NHS: variants seen among roughly 807,000 people sequenced by gnomAD.
The protein encoded by NHS is actin remodeling regulator NHS.
A neutral mutation model predicts 72.5 loss-of-function variants in NHS; 5 were observed. The observed-to-expected ratio is 0.07, with a 90% CI of 0.04 to 0.14. The LOEUF (loss-of-function observed/expected upper bound fraction) is 0.14. Among genes scored for constraint, NHS ranks in the 10% least tolerant of loss-of-function variants. The pLI is 1.00. For missense variants in NHS, 1,072 were observed against 1,355.7 expected (o/e 0.79, Z 3.29); for synonymous variants, 464 against 547.7 (o/e 0.85, Z 2.13).
intron 1 of NHS, among the ~76,000 whole-genome samples, chrX:17,433,646 C>G (rs181134635): frequency 2.5e-4 from 28 of 111,455 alleles, no homozygotes; most frequent in Middle Eastern, 4.7e-3. Flanking sequence ...GATCCCTGCA[C>G]TTGGTTTAGG....
chrX:17,570,411 A>G (rs751253525), intron 1 of NHS, among the ~76,000 whole-genome samples: 2 of 111,350 alleles, frequency 1.8e-5, no homozygotes, highest in East Asian at 5.6e-4. Flanking sequence ...ATTCCTAGGT[A>G]TTTTATTCTC....
intron 1 of NHS, among the ~76,000 whole-genome samples, chrX:17,607,473 T>G (rs1156284398): frequency 9.0e-6 from 1 of 111,208 alleles, no homozygotes; most frequent in East Asian, 2.8e-4. Context: ...AATAGGAAAA[T>G]AAGTACAAAA....
chrX:17,456,147 C>T (rs1314154380), intron 1 of NHS, among the ~76,000 whole-genome samples: 2 of 111,510 alleles, frequency 1.8e-5, no homozygotes, highest in Non-Finnish European at 3.8e-5. Flanking sequence ...TGTTTTTTTG[C>T]CCATGAAGAA....
chrX:17,408,341 T>C (rs192087175), intron 1 of NHS, among the ~76,000 whole-genome samples: 52 of 111,953 alleles, frequency 4.6e-4, no homozygotes, highest in African/African-American at 1.7e-3. Context: ...AATGATCAGA[T>C]GATCAATATT....
In NHS at chrX:17,597,430, CT is replaced by C. The variant is rs536355888; in HGVS notation, c.566-90296del. ...GTGAGCCACCGCGCCTGGCTATTCT[CT>C]TTTTTTTTTTTTTTTAAGAAAAAAC... On this transcript the variant is annotated intron_variant, in intron 1 of 8. Coordinates refer to ENST00000676302, the MANE Select transcript of NHS (RefSeq NM_001291867.2). 4.8e-3 allele frequency among the ~76,000 whole-genome samples: 452 copies of C among 94,568 alleles called. 1 individual carries two copies. Among genetic ancestry groups the C allele is most frequent in the African/African-American group, 8.3e-3 (216 of 26,076 alleles). 82.1% of individuals were successfully genotyped at this position (94,568 alleles called of 115,157 possible). A position where few individuals can be genotyped will look rare whatever the true frequency, so the allele number is the denominator to read the frequency against.
chrX:17,684,471 G>A (rs988712018), intron 1 of NHS, among the ~76,000 whole-genome samples: 2 of 110,473 alleles, frequency 1.8e-5, no homozygotes, highest in Admixed American at 9.6e-5. Context: ...TAGGCCCAGA[G>A]TTCTCTTTCA....
intron 1 of NHS, among the ~76,000 whole-genome samples, chrX:17,418,477 G>A (rs1018076952): frequency 2.7e-5 from 3 of 111,671 alleles, no homozygotes; most frequent in African/African-American, 9.8e-5. Flanking sequence ...GTCCCCAGCG[G>A]TCCCAAATCT....
At chrX:17,450,454 G>C (rs2064800620) in intron 1 of NHS, among the ~76,000 whole-genome samples, 1 of 112,003 alleles carries the variant, frequency 8.9e-6, no homozygotes, top group South Asian at 3.7e-4. Context: ...GCTCAATATA[G>C]ATGAAGAAAT....
At chrX:17,475,350 C>G in intron 1 of NHS, among the ~76,000 whole-genome samples, 1 of 112,326 alleles carries the variant, frequency 8.9e-6, no homozygotes, top group Non-Finnish European at 1.9e-5. Context: ...GAATGTCGCT[C>G]AGATAATAAG....
At chrX:17,719,515 G>C in intron 4 of NHS, 109 bp downstream of exon 4, 1 of 593,570 alleles carries the variant, frequency 1.7e-6, no homozygotes, top group Admixed American at 4.1e-5. Flanking sequence ...TCTAACTAAC[G>C]GTTTTTCTTT....
At chrX:17,686,404 G>A (rs2066162864) in intron 1 of NHS, among the ~76,000 whole-genome samples, 1 of 111,854 alleles carries the variant, frequency 8.9e-6, no homozygotes, top group South Asian at 3.8e-4. Context: ...GAGGGAATGA[G>A]GGACTAGAAG....
chrX:17,728,610 G>A, intron 7 of NHS, 39 bp from the exon 8 acceptor site: 1 of 1,205,716 alleles, frequency 8.3e-7, no homozygotes, highest in Non-Finnish European at 1.1e-6. Context: ...AGCGTGCTGG[G>A]TAACTTCCTC....
chrX:17,383,581 G>A (rs1273558484), intron 1 of NHS, among the ~76,000 whole-genome samples: 1 of 112,331 alleles, frequency 8.9e-6, no homozygotes, highest in Middle Eastern at 4.6e-3. Flanking sequence ...ATGGTGGCAG[G>A]AGAGAGAGCA....
At chrX:17,628,084 T>G (rs2065806698) in intron 1 of NHS, among the ~76,000 whole-genome samples, 1 of 113,061 alleles carries the variant, frequency 8.8e-6, no homozygotes, top group African/African-American at 3.2e-5. Context: ...GGTTCTAAAC[T>G]GGGAACTTGG....
intron 1 of NHS, among the ~76,000 whole-genome samples, chrX:17,532,559 A>G (rs769108369): frequency 8.9e-6 from 1 of 111,924 alleles, no homozygotes; most frequent in African/African-American, 3.2e-5. Context: ...TACAAAGACA[A>G]GAGCAAATTC....
At chrX:17,666,654 G>C (rs868353029) in intron 1 of NHS, among the ~76,000 whole-genome samples, 1 of 111,839 alleles carries the variant, frequency 8.9e-6, no homozygotes, top group Non-Finnish European at 1.9e-5. Context: ...GAATGAATGA[G>C]TGAATGAATG....
chrX:17,684,303 A>T (rs2066147627), intron 1 of NHS, among the ~76,000 whole-genome samples: 1 of 112,115 alleles, frequency 8.9e-6, no homozygotes, highest in African/African-American at 3.2e-5. Flanking sequence ...ATAGCAAATC[A>T]TTGCAAACTT....
At chrX:17,612,165 A>G (rs754734592) in intron 1 of NHS, among the ~76,000 whole-genome samples, 2 of 109,543 alleles carry the variant, frequency 1.8e-5, no homozygotes, top group Non-Finnish European at 3.8e-5. Context: ...TCAGACACCA[A>G]ATTGACTTTG....
intron 1 of NHS, among the ~76,000 whole-genome samples, chrX:17,594,065 C>A (rs1201200506): frequency 8.9e-6 from 1 of 112,137 alleles, no homozygotes; most frequent in Admixed American, 9.4e-5. Context: ...AGGTAGGATA[C>A]AATGAACATC....
Sources: gnomAD v4.1 joint callset for allele counts (sites outside exome capture counted in the v4.1 genomes callset) on GRCh38, gnomAD v4.1.1 for gene constraint, MANE v1.5 for transcripts, NCBI Gene and HGNC (gene_info 2026-07-23, HGNC 2026-07-21) for gene names.